Variants in IDE observed in about 807,000 individuals in gnomAD.
IDE encodes the protein insulin-degrading enzyme.
In IDE, 58 loss-of-function variants were observed where a neutral mutation model predicts 133.2. That is an observed-to-expected ratio of 0.44 (90% CI 0.35 to 0.54). The LOEUF is 0.54. Ranked by LOEUF, IDE falls within the 20% of genes least tolerant of loss-of-function variation. The pLI is 0.00. For missense variants in IDE, 981 were observed against 1,234.0 expected (o/e 0.79, Z 3.07); for synonymous variants, 396 against 421.3 (o/e 0.94, Z 0.73).
intron 22 of IDE, among the ~76,000 whole-genome samples, chr10:92,460,216 C>T (rs969763541): frequency 6.6e-6 from 1 of 152,030 alleles, no homozygotes; most frequent in African/African-American, 2.4e-5. Flanking sequence ...CCTAAGTGAG[C>T]GCAAGCATGT....
At chr10:92,558,675 A>C (rs1843127548) in intron 1 of IDE, 1 of 152,016 alleles carries the variant, frequency 6.6e-6, no homozygotes, top group Non-Finnish European at 1.5e-5. Flanking sequence ...CCTCACTGCA[A>C]CCTCTGCCTC....
chr10:92,454,179 T>G lies in IDE; in HGVS notation c.*265A>C. On this transcript the variant is annotated 3_prime_UTR_variant, in exon 25 of 25. Transcript: ENST00000265986. ...ATAGGAATATCATTCATTTTAAGCA[T>G]TGTTATATTGGGGAAATTTCTCTCA... 1 of 288,890 alleles carries G rather than the reference T, an allele frequency of 3.5e-6. No homozygotes were observed. 17.9% of individuals were successfully genotyped at this position (288,890 alleles called of 1,614,324 possible).
Position 92,465,184 on chromosome 10 carries a change from T to C in IDE, c.2488+492A>G, listed in dbSNP as rs1213599305. On this transcript the variant is annotated intron_variant, in intron 20 of 24. Coordinates refer to ENST00000265986, the MANE Select transcript of IDE (RefSeq NM_004969.4). ...TTCACTGGTTCCTTTCTGTCATTACTGGGGCTTCTTTGAGCTTCTTTCCTC... is the reference window on the plus strand; with the variant it reads ...TTCACTGGTTCCTTTCTGTCATTACCGGGGCTTCTTTGAGCTTCTTTCCTC... Among the ~76,000 whole-genome samples the C allele has an allele frequency of 1.4e-4, 22 of 152,352 alleles. 1 individual carries two copies. Among genetic ancestry groups the C allele is most frequent in the Admixed American group, 1.4e-3 (22 of 15,296 alleles).
rs889148974 is a variant in IDE, at chr10:92,573,987, G to C, written c.33C>G (p.Pro11=). 4.6e-6 allele frequency: 7 copies of C among 1,510,074 alleles called. No individual in the cohort carries two copies. The Admixed American group carries it at 1.6e-4, about 34-fold the overall frequency. 93.5% of individuals were successfully genotyped at this position (1,510,074 alleles called of 1,614,324 possible). Residue 11 remains proline, a synonymous_variant, in exon 1 of 25, where the codon CCC becomes CCG. Coordinates refer to ENST00000265986, the MANE Select transcript of IDE (RefSeq NM_004969.4). MRYRLAWLLH[P]ALPSTFRSVL... is the part of the protein sequence containing the mutation. ...CTGAGCGGAAGGTGCTGGGCAGTGCGGGGTGCAGAAGCCACGCTAGCCGGT... is the reference window on the plus strand; with the variant it reads ...CTGAGCGGAAGGTGCTGGGCAGTGCCGGGTGCAGAAGCCACGCTAGCCGGT...
At chr10:92,544,351 A>T (rs1842446287) in intron 1 of IDE, among the ~76,000 whole-genome samples, 1 of 152,188 alleles carries the variant, frequency 6.6e-6, no homozygotes, top group South Asian at 2.1e-4. Flanking sequence ...CATTCTCCTT[A>T]AGTGGTGGGT....
Position 92,508,725 on chromosome 10 carries a change from T to A in IDE, c.1060+3A>T. ...CTCAGAAGATGCTGCCCAGGAGACTTACCCTTTGACTTAAGTTCTGATAAC... is the reference window on the plus strand; with the variant it reads ...CTCAGAAGATGCTGCCCAGGAGACTAACCCTTTGACTTAAGTTCTGATAAC... On this transcript the variant is annotated splice_donor_region_variant and intron_variant, in intron 7 of 24. Coordinates refer to ENST00000265986, the MANE Select transcript of IDE (RefSeq NM_004969.4). The A allele has an allele frequency of 6.2e-7, 1 of 1,613,718 alleles. No individual in the cohort carries two copies.
At chr10:92,505,649 C>T (rs1020194037) in intron 10 of IDE, among the ~76,000 whole-genome samples, 8 of 152,004 alleles carry the variant, frequency 5.3e-5, no homozygotes, top group Non-Finnish European at 7.4e-5. Flanking sequence ...AAAAAAGGGG[C>T]AGGGGCATTA....
chr10:92,541,154 A>G (rs1265352484), intron 1 of IDE: 2 of 275,446 alleles, frequency 7.3e-6, no homozygotes, highest in Non-Finnish European at 1.5e-5. Flanking sequence ...ATCAAATATC[A>G]TGACTTCTTG....
At chr10:92,553,507 C>T (rs753507053) in intron 1 of IDE, among the ~76,000 whole-genome samples, 29 of 151,316 alleles carry the variant, frequency 1.9e-4, no homozygotes, top group Admixed American at 9.2e-4. Context: ...TTTATGAAAT[C>T]AGTATTACCC....
At chr10:92,467,616 A>T (rs947043249) in intron 19 of IDE, among the ~76,000 whole-genome samples, 1 of 152,226 alleles carries the variant, frequency 6.6e-6, no homozygotes, top group African/African-American at 2.4e-5. Context: ...AAAAGAAGTA[A>T]GAAGGATGAA....
rs868647744 is a variant in IDE at position 92,487,469 on chromosome 10, A to G, written c.1534-151T>C. The G allele has an allele frequency of 1.7e-5, 12 of 702,216 alleles. 1 individual carries two copies. The African/African-American group carries it at 2.2e-4, about 13-fold the overall frequency. 43.5% of individuals were successfully genotyped at this position (702,216 alleles called of 1,614,324 possible). ...ATATAAAAGAGGTACTACCAAATCT[A>G]TCGATGGGTTTTCCTGAAACCTGAG... On this transcript the variant is annotated intron_variant, in intron 12 of 24. Transcript: ENST00000265986.
intron 1 of IDE, among the ~76,000 whole-genome samples, chr10:92,563,255 G>A (rs1348046410): frequency 2.1e-5 from 3 of 144,526 alleles, no homozygotes; most frequent in African/African-American, 5.0e-5. Context: ...CCACCTCGGG[G>A]GGGAAAAAAC....
chr10:92,537,813 T>A (rs1022495974), intron 1 of IDE, among the ~76,000 whole-genome samples: 1 of 152,174 alleles, frequency 6.6e-6, no homozygotes, highest in Non-Finnish European at 1.5e-5. Context: ...TAGGGTGGGT[T>A]AGACCATGTG....
chr10:92,467,226 G>A (rs919774615), intron 19 of IDE, among the ~76,000 whole-genome samples: 13 of 152,114 alleles, frequency 8.5e-5, no homozygotes, highest in Admixed American at 6.5e-4. Flanking sequence ...GCGCCACTAT[G>A]CCCAGCTAAT....
At chr10:92,479,155 T>A in intron 15 of IDE, 122 bp downstream of exon 15, 1 of 600,200 alleles carries the variant, frequency 1.7e-6, no homozygotes, top group Non-Finnish European at 2.7e-6. Flanking sequence ...TGAGAAAATA[T>A]GATTAGCCAT....
intron 5 of IDE, among the ~76,000 whole-genome samples, chr10:92,511,101 A>C (rs1347718606): frequency 0.023 from 2,998 of 132,464 alleles, 108 homozygotes; most frequent in African/African-American, 0.085. Context: ...AAAAAAAAAA[A>C]CTTTTTTTTT....
At chr10:92,526,544 G>C (rs1486751612) in intron 4 of IDE, among the ~76,000 whole-genome samples, 1 of 152,140 alleles carries the variant, frequency 6.6e-6, no homozygotes, top group African/African-American at 2.4e-5. Context: ...GAAAGGAACT[G>C]GGGCTTAGAG....
At chr10:92,536,646 C>T (rs555364780) in intron 2 of IDE, among the ~76,000 whole-genome samples, 121 of 150,154 alleles carry the variant, frequency 8.1e-4, no homozygotes, top group African/African-American at 2.6e-3. Context: ...TGCAGTGAGC[C>T]GAGATCACAC....
intron 1 of IDE, among the ~76,000 whole-genome samples, chr10:92,570,847 T>C (rs1843746619): frequency 6.6e-6 from 1 of 151,786 alleles, no homozygotes; most frequent in Non-Finnish European, 1.5e-5. Context: ...ACCCAAGAGA[T>C]GAAGGCTGCA....
Sources: allele counts gnomAD v4.1 joint callset (sites outside exome capture counted in the v4.1 genomes callset), GRCh38; gene constraint gnomAD v4.1.1; transcripts MANE v1.5; gene names NCBI Gene and HGNC (gene_info 2026-07-23, HGNC 2026-07-21).